RBFOX1: variants seen among roughly 807,000 people sequenced by gnomAD.
The protein encoded by RBFOX1 is RNA binding fox-1 homolog 1, also known as RNA binding protein fox-1 homolog 1.
RBFOX1 carries 8 observed loss-of-function variants against 57.7 expected under a neutral mutation model. The observed-to-expected ratio is 0.14, with a 90% confidence interval of 0.08 to 0.25. RBFOX1 has a LOEUF of 0.25. RBFOX1 is among the 10% of genes least tolerant of loss of function. The pLI is 1.00. For synonymous variants in RBFOX1, 326 were observed against 222.4 expected, an observed-to-expected ratio of 1.47 and a Z score of -4.15; for missense variants, 611 against 548.5, an observed-to-expected ratio of 1.11 and a Z score of -1.14.
At chr16:6,726,740 C>A (rs2067276699) in intron 3 of RBFOX1, among the ~76,000 whole-genome samples, 1 of 152,104 alleles carries the variant, frequency 6.6e-6, no homozygotes, top group African/African-American at 2.4e-5. Flanking sequence ...GCTGCTGCTT[C>A]CTAAAACTTG....
chr16:5,292,395 T>C (rs2063556745), intron 1 of RBFOX1, among the ~76,000 whole-genome samples: 1 of 152,238 alleles, frequency 6.6e-6, no homozygotes, highest in South Asian at 2.1e-4. Context: ...GGGAGCTTCA[T>C]TGCTGATTTT....
intron 4 of RBFOX1, among the ~76,000 whole-genome samples, chr16:5,941,708 A>T (rs1399847016): frequency 6.6e-6 from 1 of 151,082 alleles, no homozygotes; most frequent in Admixed American, 6.8e-5. Context: ...GCCAGGAATT[A>T]TCCCATTTTT....
chr16:6,065,037 C>A (rs1310675582), intron 1 of RBFOX1, among the ~76,000 whole-genome samples: 1 of 138,590 alleles, frequency 7.2e-6, no homozygotes, highest in Non-Finnish European at 1.6e-5. Context: ...CTTTTTTTTT[C>A]TTTTTCTTGA....
chr16:5,901,419 A>T (rs1489555438), intron 4 of RBFOX1, among the ~76,000 whole-genome samples: 10 of 151,478 alleles, frequency 6.6e-5, no homozygotes, highest in Non-Finnish European at 2.9e-5. Context: ...ATGAAATATA[A>T]CTCCTAGCTT....
chr16:6,422,702 A>AAC (rs2093810023), intron 2 of RBFOX1, among the ~76,000 whole-genome samples: 1 of 152,082 alleles, frequency 6.6e-6, no homozygotes, highest in African/African-American at 2.4e-5. Flanking sequence ...AAACAACCGG[A>AAC]TCTCAGGGGA....
At chr16:7,129,304 T>C (rs1356152015) in intron 4 of RBFOX1, among the ~76,000 whole-genome samples, 1 of 152,138 alleles carries the variant, frequency 6.6e-6, no homozygotes, top group African/African-American at 2.4e-5. Flanking sequence ...GTTTCATCGG[T>C]TTGGTTAGAT....
chr16:7,312,980 G>A (rs539348870), intron 4 of RBFOX1, among the ~76,000 whole-genome samples: 11 of 152,160 alleles, frequency 7.2e-5, no homozygotes, highest in Middle Eastern at 3.4e-3. Flanking sequence ...TTTCAGGATG[G>A]ACCGGGGAAG....
intron 4 of RBFOX1, among the ~76,000 whole-genome samples, chr16:7,346,649 A>T (rs958565062): frequency 6.6e-6 from 1 of 151,874 alleles, no homozygotes; most frequent in Non-Finnish European, 1.5e-5. Context: ...TGCTTCGTTC[A>T]AGCCTTTGTG....
At chr16:7,214,317 C>T (rs868248451) in intron 4 of RBFOX1, among the ~76,000 whole-genome samples, 1 of 152,128 alleles carries the variant, frequency 6.6e-6, no homozygotes, top group Non-Finnish European at 1.5e-5. Context: ...ATGATCTTAT[C>T]CAGCAAATAT....
At chr16:5,294,321 T>C (rs1052646843) in intron 1 of RBFOX1, among the ~76,000 whole-genome samples, 1 of 152,208 alleles carries the variant, frequency 6.6e-6, no homozygotes, top group Admixed American at 6.5e-5. Context: ...TGATCTGGGT[T>C]GCAGAGCCTG....
intron 2 of RBFOX1, among the ~76,000 whole-genome samples, chr16:5,560,204 C>G (rs1370992628): frequency 6.6e-6 from 1 of 152,126 alleles, no homozygotes; most frequent in Admixed American, 6.5e-5. Context: ...CTTGCTAACT[C>G]CTGGGCATCT....
intron 4 of RBFOX1, among the ~76,000 whole-genome samples, chr16:7,439,973 AC>A (rs2098753705): frequency 7.5e-6 from 1 of 134,012 alleles, no homozygotes; most frequent in Non-Finnish European, 1.6e-5. Context: ...TTTTTTTGAG[AC>A]AGGGTCTCAT....
chr16:7,304,006 C>G (rs866473015), intron 4 of RBFOX1, among the ~76,000 whole-genome samples: 11 of 151,892 alleles, frequency 7.2e-5, no homozygotes, highest in South Asian at 4.2e-4. Context: ...TCCGGGGGAT[C>G]AAAAAGCAGG....
chr16:7,577,006 C>G (rs2093390055), intron 5 of RBFOX1, among the ~76,000 whole-genome samples: 1 of 152,146 alleles, frequency 6.6e-6, no homozygotes, highest in African/African-American at 2.4e-5. Context: ...GACGTGGCAC[C>G]AAACCTCGTA....
chr16:6,440,777 G>T (rs2094360154), intron 2 of RBFOX1, among the ~76,000 whole-genome samples: 1 of 149,938 alleles, frequency 6.7e-6, no homozygotes, highest in Admixed American at 6.6e-5. Flanking sequence ...CCTCAGCCTG[G>T]GTGACAGAGC....
intron 5 of RBFOX1, among the ~76,000 whole-genome samples, chr16:7,524,083 C>T (rs1328014428): frequency 1.3e-5 from 2 of 152,192 alleles, no homozygotes; most frequent in Non-Finnish European, 2.9e-5. Flanking sequence ...AGCTCTAACT[C>T]TTCTTTGACA....
intron 4 of RBFOX1, among the ~76,000 whole-genome samples, chr16:7,466,543 T>C (rs941312129): frequency 9.2e-5 from 14 of 152,144 alleles, no homozygotes; most frequent in African/African-American, 3.1e-4. Context: ...ATGTCCTGCC[T>C]TCATCTGAGC....
intron 3 of RBFOX1, among the ~76,000 whole-genome samples, chr16:6,924,596 T>A (rs1457168950): frequency 6.6e-6 from 1 of 152,142 alleles, no homozygotes; most frequent in Non-Finnish European, 1.5e-5. Context: ...AGCCTCCATT[T>A]CTTCACCTGC....
At position 5,798,815 on chromosome 16, in the gene RBFOX1, G is replaced by T. The variant is rs1457648027; in HGVS notation, c.319-68488G>T. ...GTCTGAGCTGTGAGGTTCCTCCCAG[G>T]TGCTTGCCTTTTATGGGCACTACAT... is the stretch of plus-strand genomic sequence containing the variant. On this transcript the variant is annotated intron_variant, in intron 3 of 19. Transcript: ENST00000641259. Among the ~76,000 whole-genome samples the T allele has an allele frequency of 8.5e-5, 13 of 152,240 alleles. 1 individual carries two copies. In the South Asian group the frequency reaches 2.7e-3, roughly 32 times the overall value.
Sources: allele counts gnomAD v4.1 joint callset (sites outside exome capture counted in the v4.1 genomes callset), GRCh38; gene constraint gnomAD v4.1.1; transcripts MANE v1.5; gene names NCBI Gene and HGNC (gene_info 2026-07-23, HGNC 2026-07-21).